Variants in LDB3 observed in about 807,000 individuals in gnomAD.
LDB3 encodes LIM domain-binding protein 3.
In LDB3, 49 loss-of-function variants were observed where a neutral mutation model predicts 69.0. The ratio of observed to expected loss-of-function variants is 0.71; its 90% confidence interval spans 0.56 to 0.90. The LOEUF is 0.90. Among genes scored for constraint, LDB3 ranks in the 40% least tolerant of loss-of-function variants. The pLI is 0.00. For synonymous variants in LDB3, 387 were observed against 396.2 expected, an observed-to-expected ratio of 0.98 and a Z score of 0.28; for missense variants, 928 against 974.1, an observed-to-expected ratio of 0.95 and a Z score of 0.63.
chr10:86,696,776 C>T (rs1846018149), intron 7 of LDB3, among the ~76,000 whole-genome samples: 1 of 152,168 alleles, frequency 6.6e-6, no homozygotes, highest in Non-Finnish European at 1.5e-5. Context: ...TTGCTCATGC[C>T]ATCTCCACCC....
chr10:86,681,846 C>T (rs749848991), intron 5 of LDB3, 43 bp downstream of exon 5: 2 of 1,534,186 alleles, frequency 1.3e-6, no homozygotes, highest in Non-Finnish European at 1.7e-6. Context: ...GCCTGGGCCA[C>T]CTGGGTCCTC....
In LDB3 at chr10:86,702,321, T is replaced by C. The variant is rs143338573; in HGVS notation, c.897-4210T>C. On this transcript the variant is annotated intron_variant, in intron 7 of 13. Transcript: ENST00000361373. ...GTGGCAACAACCCCAAGACCCAGCATCACCACCACCATTCCCATCCTTTCC... is the reference window on the plus strand; with the variant it reads ...GTGGCAACAACCCCAAGACCCAGCACCACCACCACCATTCCCATCCTTTCC... Among the ~76,000 whole-genome samples the C allele has an allele frequency of 7.0e-3, 1,068 of 152,174 alleles. 6 individuals carry two copies. The highest frequency in any genetic ancestry group is 0.012 in the South Asian group (57 of 4,802).
chr10:86,733,342 T>C lies in LDB3; in HGVS notation c.*366T>C, dbSNP rs45513796. 2 of 310,802 alleles carry C rather than the reference T, an allele frequency of 6.4e-6. No individual in the cohort carries two copies. The highest frequency in any genetic ancestry group is 8.5e-5 in the East Asian group (1 of 11,710). 19.3% of individuals were successfully genotyped at this position (310,802 alleles called of 1,614,324 possible). A position where few individuals can be genotyped will look rare whatever the true frequency, so the allele number is the denominator to read the frequency against. ...GAGCTTAGAGCAGCTGTGGAGAATC[T>C]GAAGCATTCTGCGGAGTTCTTAAGC... is the stretch of plus-strand genomic sequence containing the variant. On this transcript the variant is annotated 3_prime_UTR_variant, in exon 14 of 14. Coordinates refer to ENST00000361373, the MANE Select transcript of LDB3 (RefSeq NM_007078.3).
upstream of LDB3, among the ~76,000 whole-genome samples, chr10:86,667,604 T>C (rs1447919555): frequency 6.6e-6 from 1 of 152,202 alleles, no homozygotes; most frequent in East Asian, 1.9e-4. Context: ...CCCTTCTCCC[T>C]GCCCCCTGCC....
intron 7 of LDB3, among the ~76,000 whole-genome samples, chr10:86,698,300 T>C (rs931797648): frequency 3.3e-5 from 5 of 152,236 alleles, no homozygotes; most frequent in African/African-American, 1.2e-4. Flanking sequence ...CTAAGAAGCA[T>C]CTCATAGTAT....
intron 5 of LDB3, among the ~76,000 whole-genome samples, chr10:86,689,404 C>T (rs567349297): frequency 1.3e-5 from 2 of 152,328 alleles, no homozygotes; most frequent in South Asian, 4.1e-4. Context: ...CCTCCTCACA[C>T]CCACCTGTCA....
At chr10:86,667,644 G>T (rs992309983), upstream of LDB3, among the ~76,000 whole-genome samples, 3 of 152,234 alleles carry the variant, frequency 2.0e-5, no homozygotes, top group Non-Finnish European at 2.9e-5. Flanking sequence ...GGGGCCTGGC[G>T]TGTGGCACTG....
In LDB3 at chr10:86,675,487, G is replaced by A. The variant is rs546386377; in HGVS notation, c.94-3880G>A. On this transcript the variant is annotated intron_variant, in intron 2 of 13. Transcript: ENST00000361373. ...GTGACCGAGGCCACAGCCTTTCTGC[G>A]TGGGGTCTGCAATGACCCAGCCCTG... Among the ~76,000 whole-genome samples the A allele has an allele frequency of 2.6e-4, 39 of 152,320 alleles. 1 individual carries two copies. Among genetic ancestry groups the A allele is most frequent in the Non-Finnish European group, 4.0e-4 (27 of 68,024 alleles).
rs539212777 is a variant in LDB3, at chr10:86,689,075, A to G, written c.690-2821A>G. On this transcript the variant is annotated intron_variant, in intron 5 of 13. Coordinates refer to ENST00000361373, the MANE Select transcript of LDB3 (RefSeq NM_007078.3). ...ACCCTCTTGGCCATAACGTGCTCCC[A>G]TTTCTGCTGTTAATTTCCGTGGTTC... Among the ~76,000 whole-genome samples, 5 of 151,856 alleles carry G rather than the reference A, an allele frequency of 3.3e-5. No individual in the cohort carries two copies. In the South Asian group the frequency reaches 1.0e-3, roughly 32 times the overall value.
rs778685871 is a variant in LDB3 at position 86,732,946 on chromosome 10, C to T, written c.2154C>T (p.Cys718=). The T allele has an allele frequency of 6.2e-7, 1 of 1,613,914 alleles. No homozygotes were observed. Among genetic ancestry groups the T allele is most frequent in the Non-Finnish European group, 8.5e-7 (1 of 1,179,904 alleles). ...PFYSKKDRPL[C]KKHAHTINL The stretch of plus-strand genomic sequence containing the variant: ...ACTCCAAGAAGGACAGACCCCTGTG[C>T]AAGAAGCACGCACACACCATCAACT... The change falls in exon 14 of 14, where the codon TGC becomes TGT. Residue 718 remains cysteine, a synonymous_variant. Coordinates refer to ENST00000361373, the MANE Select transcript of LDB3 (RefSeq NM_007078.3).
chr10:86,692,040 G>A lies in LDB3; in HGVS notation c.834G>A (p.Leu278=), dbSNP rs1377236004. Residue 278 remains leucine (L), a synonymous_variant, in exon 6 of 14, where the codon CTG becomes CTA. Transcript: ENST00000361373. ...SNLQSRSFRI[L]AQMTGTEFMQ... ...TGCAGTCTCGCTCCTTCCGCATCCT[G>A]GCCCAGATGACGGGGACAGAATTCA... is the stretch of plus-strand genomic sequence containing the variant. 1.1e-5 allele frequency: 18 copies of A among 1,614,154 alleles called. No homozygotes were observed. Among genetic ancestry groups the A allele is most frequent in the Non-Finnish European group, 1.4e-5 (17 of 1,180,050 alleles).
intron 7 of LDB3, among the ~76,000 whole-genome samples, chr10:86,693,133 G>A (rs1307199907): frequency 1.3e-5 from 2 of 152,100 alleles, no homozygotes; most frequent in Non-Finnish European, 2.9e-5. Flanking sequence ...GTGCCAAGCT[G>A]GGGTCTTAGA....
chr10:86,711,730 G>A (rs1846675763), intron 9 of LDB3, among the ~76,000 whole-genome samples: 1 of 150,612 alleles, frequency 6.6e-6, no homozygotes, highest in Non-Finnish European at 1.5e-5. Flanking sequence ...GAGGTGGGCG[G>A]CCGCTCCCCG....
intron 8 of LDB3, among the ~76,000 whole-genome samples, chr10:86,708,730 CT>C (rs1475648141): frequency 1.3e-5 from 2 of 152,230 alleles, no homozygotes; most frequent in African/African-American, 4.8e-5. Flanking sequence ...GCACAGCCCC[CT>C]GGTCTGGGAT....
chr10:86,699,491 G>C lies in LDB3; in HGVS notation c.896+6920G>C. ...TTGACAATGTATAACTCTGCTGGGGGCACCTCTGATGGCCAACCGCAGCAT... is the reference window on the plus strand; with the variant it reads ...TTGACAATGTATAACTCTGCTGGGGCCACCTCTGATGGCCAACCGCAGCAT... On this transcript the variant is annotated intron_variant, in intron 7 of 13. Transcript: ENST00000361373. This position sits in a 1 kb window ranked among gnomAD's most constrained non-coding sequence, Gnocchi z 4.9. 6.4e-7 allele frequency: 1 copy of C among 1,559,280 alleles called. No individual in the cohort carries two copies. The highest frequency in any genetic ancestry group is 8.7e-7 in the Non-Finnish European group (1 of 1,155,826).
intron 3 of LDB3, 131 bp from the exon 4 acceptor site, chr10:86,679,951 C>T: frequency 2.5e-6 from 2 of 798,830 alleles, no homozygotes; most frequent in Non-Finnish European, 2.2e-6. Context: ...GGATCTGGGG[C>T]CCTCTGACTC....
At chr10:86,683,694 T>C (rs971253708) in intron 5 of LDB3, among the ~76,000 whole-genome samples, 1 of 152,252 alleles carries the variant, frequency 6.6e-6, no homozygotes, top group Non-Finnish European at 1.5e-5. Context: ...TGCTGCTGTC[T>C]CAGGCAATGC....
chr10:86,727,197 T>G (rs951145786), intron 13 of LDB3, among the ~76,000 whole-genome samples: 2 of 151,798 alleles, frequency 1.3e-5, no homozygotes, highest in Non-Finnish European at 2.9e-5. Flanking sequence ...ATTTTGTGTA[T>G]TTTTAGTAGA....
chr10:86,730,141 C>A (rs1847405810), intron 13 of LDB3, among the ~76,000 whole-genome samples: 1 of 152,144 alleles, frequency 6.6e-6, no homozygotes, highest in Admixed American at 6.5e-5. Flanking sequence ...GTATAACGTC[C>A]CCAACTGGAC....
Sources: allele counts gnomAD v4.1 joint callset (sites outside exome capture counted in the v4.1 genomes callset), GRCh38; gene constraint gnomAD v4.1.1; non-coding constraint Gnocchi (gnomAD v3.1); transcripts MANE v1.5; gene names NCBI Gene and HGNC (gene_info 2026-07-23, HGNC 2026-07-21).